The following PRKD3 variants were observed in gnomAD, a reference collection of about 807,000 sequenced individuals.
PRKD3 encodes the protein serine/threonine-protein kinase D3.
Under a neutral mutation model 99.2 loss-of-function variants are expected in PRKD3, and 47 were observed. The ratio of observed to expected loss-of-function variants is 0.47; its 90% CI spans 0.38 to 0.60. PRKD3 has a LOEUF of 0.60. PRKD3 is among the 20% of genes least tolerant of loss of function. The pLI is 0.00. For missense variants in PRKD3, 1,019 were observed against 1,088.4 expected (o/e 0.94, Z 0.90); for synonymous variants, 392 against 355.4 (o/e 1.10, Z -1.16).
At position 37,286,370 on chromosome 2, in the gene PRKD3, C is replaced by G. The variant is rs2124821312; in HGVS notation, c.718-1G>C. On this transcript the variant is annotated splice_acceptor_variant, in intron 5 of 18. Transcript: ENST00000234179. LOFTEE classifies it high-confidence loss of function. Reference sequence around the variant, plus strand: ...TACTTGGTTCCTGGTGGACATGTGACTATAACATAAGTAATTTTCATAAGT... The same window carrying G: ...TACTTGGTTCCTGGTGGACATGTGAGTATAACATAAGTAATTTTCATAAGT... The G allele has an allele frequency of 6.2e-7, 1 of 1,612,334 alleles. No individual in the cohort carries two copies. Among genetic ancestry groups the G allele is most frequent in the East Asian group, 2.2e-5 (1 of 44,866 alleles).
chr2:37,291,457 A>G (rs1670417998), intron 3 of PRKD3, among the ~76,000 whole-genome samples: 1 of 152,230 alleles, frequency 6.6e-6, no homozygotes, highest in African/African-American at 2.4e-5. Context: ...CCTAGTGGAT[A>G]TGAGAAAGAA....
At chr2:37,264,813 C>T (rs1254716995) in intron 14 of PRKD3, among the ~76,000 whole-genome samples, 1 of 151,986 alleles carries the variant, frequency 6.6e-6, no homozygotes, top group East Asian at 1.9e-4. Context: ...GATTTTGATT[C>T]ACTTTCATAA....
At chr2:37,312,468 C>T (rs1279564586) in intron 2 of PRKD3, among the ~76,000 whole-genome samples, 2 of 152,154 alleles carry the variant, frequency 1.3e-5, no homozygotes, top group African/African-American at 2.4e-5. Context: ...TATTTCAAGT[C>T]AAAGTCTTGT....
chr2:37,301,260 T>C (rs1670913232), intron 2 of PRKD3, among the ~76,000 whole-genome samples: 1 of 152,210 alleles, frequency 6.6e-6, no homozygotes, highest in African/African-American at 2.4e-5. Context: ...ATATGTAGAA[T>C]TTCTCAAAAT....
chr2:37,301,949 T>TTC (rs1670949549), intron 2 of PRKD3, among the ~76,000 whole-genome samples: 1 of 152,182 alleles, frequency 6.6e-6, no homozygotes, highest in South Asian at 2.1e-4. Flanking sequence ...ATTCAGTGGG[T>TTC]AGAGCACTGT....
intron 1 of PRKD3, among the ~76,000 whole-genome samples, chr2:37,322,788 C>A (rs193121833): frequency 3.3e-5 from 5 of 152,264 alleles, no homozygotes; most frequent in African/African-American, 1.2e-4. Context: ...CAAGTTCGAT[C>A]TGAATTACAT....
At chr2:37,284,618 A>C (rs893089775) in intron 6 of PRKD3, among the ~76,000 whole-genome samples, 1 of 152,184 alleles carries the variant, frequency 6.6e-6, no homozygotes, top group African/African-American at 2.4e-5. Context: ...TGATATTTTA[A>C]AGTATTAATT....
chr2:37,273,240 G>A (rs544904888), intron 11 of PRKD3, among the ~76,000 whole-genome samples: 1 of 151,788 alleles, frequency 6.6e-6, no homozygotes, highest in Non-Finnish European at 1.5e-5. Flanking sequence ...GTTTTCTGAG[G>A]AAACAGTCCT....
chr2:37,275,271 G>A (rs942551142), intron 10 of PRKD3, among the ~76,000 whole-genome samples: 1 of 152,032 alleles, frequency 6.6e-6, no homozygotes, highest in Non-Finnish European at 1.5e-5. Context: ...CTCTCTTACT[G>A]ACCTAACTGC....
At chr2:37,275,591 TG>T (rs937973098) in intron 10 of PRKD3, among the ~76,000 whole-genome samples, 175 bp downstream of exon 10, 3 of 152,058 alleles carry the variant, frequency 2.0e-5, no homozygotes, top group Admixed American at 2.0e-4. Context: ...AGAGCTGCTG[TG>T]GGGGAGTGAA....
In PRKD3 at chr2:37,291,016, T is replaced by C. The variant is rs375225658; in HGVS notation, c.428-17A>G. The C allele has an allele frequency of 1.1e-5, 18 of 1,592,102 alleles. No individual in the cohort carries two copies. In the East Asian group the frequency reaches 2.7e-4, roughly 24 times the overall value. On this transcript the variant is annotated splice_polypyrimidine_tract_variant and intron_variant, in intron 3 of 18. Transcript: ENST00000234179. Reference sequence around the variant, plus strand: ...TGGCTAAAGCTTTAAAAAAGAAAAGTATTACAATACACGTTGTATTTGTAC... The same window carrying C: ...TGGCTAAAGCTTTAAAAAAGAAAAGCATTACAATACACGTTGTATTTGTAC...
chr2:37,281,311 G>T (rs1378094562), intron 7 of PRKD3, among the ~76,000 whole-genome samples: 1 of 152,134 alleles, frequency 6.6e-6, no homozygotes, highest in Non-Finnish European at 1.5e-5. Flanking sequence ...ATTTATAAAA[G>T]ACTTTAGTCA....
At chr2:37,313,875 CT>C (rs1339923781) in intron 2 of PRKD3, among the ~76,000 whole-genome samples, 1 of 152,112 alleles carries the variant, frequency 6.6e-6, no homozygotes, top group Non-Finnish European at 1.5e-5. Context: ...ATATTTTCAA[CT>C]TGCCATGGGT....
rs2148565895 is a variant in PRKD3, at chr2:37,286,292, C to T, written c.795G>A (p.Met265Ile). The change falls in exon 6 of 19, where the codon ATG (methionine) becomes ATA (isoleucine). Residue 265 changes from methionine (M) to isoleucine (I), a missense_variant. Transcript: ENST00000234179. ...GRPIWMEKMV[M>I]CRVKVPHTFA... ...ATGTGTGTGGAACTTTCACTCTGCA[C>T]ATTACCATCTTTTCCATCCAGATTG... 6.2e-7 allele frequency: 1 copy of T among 1,614,108 alleles called. No homozygotes were observed. The highest frequency in any genetic ancestry group is 1.1e-5 in the South Asian group (1 of 91,084).
intron 5 of PRKD3, among the ~76,000 whole-genome samples, chr2:37,287,907 C>G (rs1399320042): frequency 6.6e-6 from 1 of 152,132 alleles, no homozygotes; most frequent in East Asian, 1.9e-4. Flanking sequence ...AAATAAAGTT[C>G]TTCTTTTTGA....
rs1671850061 is a variant in PRKD3 at position 37,320,717 on chromosome 2, C to A, written c.-655-3538G>T. On this transcript the variant is annotated intron_variant, in intron 1 of 18. Transcript: ENST00000234179. ...AAAGTGCTGGGATTACAGGCGTGAG[C>A]CACTGCACCTGGCCCAAATTAACTA... Among the ~76,000 whole-genome samples, 6 of 152,056 alleles carry A rather than the reference C, an allele frequency of 3.9e-5. No individual in the cohort carries two copies. The South Asian group carries it at 1.2e-3, about 32-fold the overall frequency.
At chr2:37,265,918 C>G (rs1352074878) in intron 14 of PRKD3, among the ~76,000 whole-genome samples, 1 of 152,170 alleles carries the variant, frequency 6.6e-6, no homozygotes, top group Non-Finnish European at 1.5e-5. Context: ...TTACTCAGAG[C>G]TGTGTTTGTG....
intron 15 of PRKD3, 89 bp from the exon 16 acceptor site, chr2:37,259,770 C>T: frequency 3.5e-6 from 3 of 869,274 alleles, no homozygotes. Context: ...TTGAAAACTC[C>T]ACTATAGTTC....
At chr2:37,253,421 G>GT (rs138987723) in intron 18 of PRKD3, 71 bp from the exon 19 acceptor site, 54,627 of 1,296,418 alleles carry the variant, frequency 0.042, 1,377 homozygotes, top group African/African-American at 0.17. Flanking sequence ...TTTGTTTTGT[G>GT]TTTTTTTTTG....
Sources: gnomAD v4.1 joint callset for allele counts (sites outside exome capture counted in the v4.1 genomes callset) on GRCh38, gnomAD v4.1.1 for gene constraint, MANE v1.5 for transcripts, NCBI Gene and HGNC (gene_info 2026-07-23, HGNC 2026-07-21) for gene names.